The following NEK6 variants were observed in gnomAD, a reference collection of about 807,000 sequenced individuals.
The protein encoded by NEK6 is NIMA related kinase 6.
A neutral mutation model predicts 43.5 loss-of-function variants in NEK6; 27 were observed. That is an observed-to-expected ratio of 0.62 (90% CI 0.46 to 0.86). The LOEUF is 0.86. NEK6 is among the 40% of genes least tolerant of loss of function. The pLI, the probability that NEK6 is intolerant of heterozygous loss-of-function variation, is 0.00. For synonymous variants in NEK6, 167 were observed against 164.1 expected (o/e 1.02, Z -0.14); for missense variants, 318 against 414.4 (o/e 0.77, Z 2.02).
intron 1 of NEK6, among the ~76,000 whole-genome samples, chr9:124,284,257 G>A (rs1228153051): frequency 2.6e-5 from 4 of 152,360 alleles, no homozygotes; most frequent in Admixed American, 6.5e-5. Context: ...GCTGAGACAC[G>A]ATAATTGCTT....
chr9:124,328,375 G>C (rs1357302661), intron 7 of NEK6, among the ~76,000 whole-genome samples: 1 of 152,166 alleles, frequency 6.6e-6, no homozygotes, highest in Non-Finnish European at 1.5e-5. Context: ...GAGGCCCATG[G>C]AGTGGGCGAG....
Position 124,351,828 on chromosome 9 carries a change from T to TTAA in NEK6, c.*884_*886dup, listed in dbSNP as rs1830288560. The stretch of plus-strand genomic sequence containing the variant: ...TCATTTCCTCATCTGTACAATGAGA[T>TTAA]TAATAGTACCTATCATCTACCTTCA... On this transcript the variant is annotated 3_prime_UTR_variant, in exon 10 of 10. Transcript: ENST00000320246. The TTAA allele has an allele frequency of 6.6e-6, 1 of 152,224 alleles. No individual in the cohort carries two copies. The highest frequency in any genetic ancestry group is 1.5e-5 in the Non-Finnish European group (1 of 68,042). The allele number at this position is 152,224 out of a possible 1,614,324, so 9.4% of individuals were successfully genotyped here.
chr9:124,258,419 C>A, intron 1 of NEK6: 1 of 886,376 alleles, frequency 1.1e-6, no homozygotes, highest in Non-Finnish European at 1.4e-6. Flanking sequence ...CGAGTGGGGA[C>A]GACGGGCGGA....
At chr9:124,319,933 T>C (rs1833984952) in intron 4 of NEK6, among the ~76,000 whole-genome samples, 1 of 152,226 alleles carries the variant, frequency 6.6e-6, no homozygotes, top group Non-Finnish European at 1.5e-5. Context: ...TTCTGAAGTC[T>C]AGTCACCCTG....
In NEK6 at chr9:124,343,565, T is replaced by G. The variant is rs1297167272; in HGVS notation, c.717+3900T>G. On this transcript the variant is annotated intron_variant, in intron 8 of 9. Transcript: ENST00000320246. This position sits in a 1 kb window ranked among gnomAD's most constrained non-coding sequence, Gnocchi z 5.1. ...CTCCTGCAGTCCCTAAAGGGGAAGGTGAAGCAGGCGTTTCCCCAGCAGACA... is the reference window on the plus strand; with the variant it reads ...CTCCTGCAGTCCCTAAAGGGGAAGGGGAAGCAGGCGTTTCCCCAGCAGACA... Among the ~76,000 whole-genome samples, 2 of 151,888 alleles carry G rather than the reference T, an allele frequency of 1.3e-5. No homozygotes were observed. The highest frequency in any genetic ancestry group is 1.9e-4 in the East Asian group (1 of 5,174).
At chr9:124,280,314 A>G (rs995536228) in intron 1 of NEK6, among the ~76,000 whole-genome samples, 1 of 152,222 alleles carries the variant, frequency 6.6e-6, no homozygotes, top group African/African-American at 2.4e-5. Flanking sequence ...CCCCTGGTCT[A>G]GGCGTGCAGA....
At chr9:124,312,385 G>C (rs1833578651) in intron 2 of NEK6, 124 bp from the exon 3 acceptor site, 2 of 1,167,940 alleles carry the variant, frequency 1.7e-6, no homozygotes, top group Admixed American at 5.7e-5. Context: ...CCCAGAGCAG[G>C]GTTGGCAGCA....
intron 2 of NEK6, among the ~76,000 whole-genome samples, chr9:124,306,971 T>C (rs982355993): frequency 2.0e-5 from 3 of 152,172 alleles, no homozygotes; most frequent in African/African-American, 7.2e-5. Flanking sequence ...TAATGATGCA[T>C]TGCAAATATC....
intron 9 of NEK6, among the ~76,000 whole-genome samples, chr9:124,350,540 C>G (rs1194927516): frequency 6.6e-6 from 1 of 151,778 alleles, no homozygotes; most frequent in Non-Finnish European, 1.5e-5. Flanking sequence ...ACAATTTGCC[C>G]AATGGTGTGG....
At chr9:124,328,087 G>C (rs1218276220) in intron 7 of NEK6, among the ~76,000 whole-genome samples, 1 of 152,200 alleles carries the variant, frequency 6.6e-6, no homozygotes, top group Admixed American at 6.5e-5. Context: ...CCACCCTATG[G>C]GTCGGGGGGT....
intron 1 of NEK6, among the ~76,000 whole-genome samples, chr9:124,274,459 A>G (rs1005907461): frequency 2.6e-5 from 4 of 152,200 alleles, no homozygotes; most frequent in African/African-American, 9.6e-5. Context: ...GAGTGTAGAC[A>G]CTTGCTTTGA....
At position 124,288,947 on chromosome 9, in the gene NEK6, G is replaced by A. The variant is rs1409915803; in HGVS notation, c.-29-12989G>A. Among the ~76,000 whole-genome samples, 9 of 152,024 alleles carry A rather than the reference G, an allele frequency of 5.9e-5. No homozygotes were observed. In the South Asian group the frequency reaches 1.7e-3, roughly 28 times the overall value. On this transcript the variant is annotated intron_variant, in intron 1 of 9. Transcript: ENST00000320246. ...ACGGCCCCTTCTGTGATTCAGCAAC[G>A]CAGTTAAGTACATTGGGGTTTTTTG...
At chr9:124,302,954 C>T (rs1286092769) in intron 2 of NEK6, among the ~76,000 whole-genome samples, 1 of 152,232 alleles carries the variant, frequency 6.6e-6, no homozygotes, top group African/African-American at 2.4e-5. Context: ...GTGCTGTGTA[C>T]CCACTTGGGA....
chr9:124,342,770 T>C (rs2131063965), intron 8 of NEK6, among the ~76,000 whole-genome samples: 1 of 152,370 alleles, frequency 6.6e-6, no homozygotes, highest in Non-Finnish European at 1.5e-5. Context: ...TTCTGCTTTG[T>C]GTTTTTGTAA....
At chr9:124,325,190 T>C (rs916022943) in intron 5 of NEK6, among the ~76,000 whole-genome samples, 5 of 149,422 alleles carry the variant, frequency 3.3e-5, no homozygotes, top group African/African-American at 9.8e-5. Context: ...AAAAAAGAAG[T>C]GGGCTAAGGA....
At chr9:124,291,994 G>A (rs1454569371) in intron 1 of NEK6, 1 of 987,848 alleles carries the variant, frequency 1.0e-6, no homozygotes, top group Non-Finnish European at 1.2e-6. Flanking sequence ...CCAGAGAGGC[G>A]ACCCAGCTCC....
chr9:124,282,215 G>A (rs116085670), intron 1 of NEK6, among the ~76,000 whole-genome samples: 5 of 152,218 alleles, frequency 3.3e-5, no homozygotes, highest in East Asian at 3.9e-4. Context: ...AGCACCTGCC[G>A]TGCCTTTTTC....
At chr9:124,339,099 G>A (rs1829449553) in intron 7 of NEK6, among the ~76,000 whole-genome samples, 1 of 143,188 alleles carries the variant, frequency 7.0e-6, no homozygotes, top group South Asian at 2.1e-4. Context: ...CGCAATCTTG[G>A]CTCTCTGCAG....
intron 7 of NEK6, among the ~76,000 whole-genome samples, chr9:124,337,202 C>G (rs541400627): frequency 2.6e-4 from 40 of 152,290 alleles, no homozygotes; most frequent in African/African-American, 9.1e-4. Context: ...ACGGTTCCAG[C>G]TCATCCAATA....
Sources: allele counts gnomAD v4.1 joint callset (sites outside exome capture counted in the v4.1 genomes callset), GRCh38; gene constraint gnomAD v4.1.1; non-coding constraint Gnocchi (gnomAD v3.1); transcripts MANE v1.5; gene names NCBI Gene and HGNC (gene_info 2026-07-23, HGNC 2026-07-21).